The following KATNA1 variants were observed in gnomAD, a reference collection of about 807,000 sequenced individuals.
KATNA1 encodes katanin p60 ATPase-containing subunit A1.
KATNA1 carries 42 observed loss-of-function variants against 62.6 expected under a neutral mutation model. The observed-to-expected ratio is 0.67, with a 90% CI of 0.52 to 0.87. KATNA1 has a LOEUF of 0.87. KATNA1 is among the 40% of genes least tolerant of loss of function. The pLI, the probability that KATNA1 is intolerant of heterozygous loss-of-function variation, is 0.00. For synonymous variants in KATNA1, 186 were observed against 201.9 expected (o/e 0.92, Z 0.67); for missense variants, 498 against 612.5 (o/e 0.81, Z 1.97).
rs539124494 is a variant in KATNA1 at position 149,635,687 on chromosome 6, C to A, written c.162+2699G>T. Among the ~76,000 whole-genome samples the A allele has an allele frequency of 3.9e-5, 6 of 151,994 alleles. No homozygotes were observed. The East Asian group carries it at 1.2e-3, about 29-fold the overall frequency. ...CTGCGCCACTGCACTACAGCCTGGG[C>A]AACAGAGTGAGACTCCGTCTCAAAA... On this transcript the variant is annotated intron_variant, in intron 2 of 10. Coordinates refer to ENST00000367411, the MANE Select transcript of KATNA1 (RefSeq NM_007044.4).
chr6:149,596,200 TGC>T (rs1207552103), intron 10 of KATNA1, among the ~76,000 whole-genome samples: 1 of 152,190 alleles, frequency 6.6e-6, no homozygotes, highest in East Asian at 1.9e-4. Flanking sequence ...TACCAGCACC[TGC>T]TAACACCAAC....
intron 7 of KATNA1, among the ~76,000 whole-genome samples, chr6:149,598,832 C>G (rs372947298): frequency 8.5e-5 from 13 of 152,196 alleles, no homozygotes; most frequent in African/African-American, 3.1e-4. Context: ...ATTAGAACAG[C>G]TAAAATATGG....
At chr6:149,631,720 T>G (rs937033711) in intron 3 of KATNA1, among the ~76,000 whole-genome samples, 2 of 152,182 alleles carry the variant, frequency 1.3e-5, no homozygotes, top group East Asian at 3.9e-4. Flanking sequence ...ACAGTCAATA[T>G]TTAAATCTAT....
chr6:149,606,262 G>C (rs145400661), intron 4 of KATNA1, among the ~76,000 whole-genome samples: 1 of 152,126 alleles, frequency 6.6e-6, no homozygotes, highest in East Asian at 1.9e-4. Context: ...TAAATGGATA[G>C]GTATTTTTCA....
At chr6:149,625,263 A>C (rs932222251) in intron 3 of KATNA1, among the ~76,000 whole-genome samples, 1 of 152,210 alleles carries the variant, frequency 6.6e-6, no homozygotes, top group Non-Finnish European at 1.5e-5. Context: ...TTGTGATTAC[A>C]AATATCACTG....
chr6:149,599,292 C>T (rs1778444005), intron 7 of KATNA1, among the ~76,000 whole-genome samples: 1 of 151,276 alleles, frequency 6.6e-6, no homozygotes, highest in South Asian at 2.1e-4. Flanking sequence ...AAATTCTCAA[C>T]TAAAATTTTA....
intron 1 of KATNA1, among the ~76,000 whole-genome samples, chr6:149,645,184 C>T (rs567153735): frequency 1.3e-5 from 2 of 152,156 alleles, no homozygotes; most frequent in Non-Finnish European, 2.9e-5. Context: ...CAGTGGCTCA[C>T]GCCTGTAATC....
In KATNA1 at chr6:149,597,165, C is replaced by T. The variant is rs143398283; in HGVS notation, c.1175G>A (p.Arg392Gln). The change falls in exon 10 of 11, where the codon CGA (arginine) becomes CAA (glutamine). Residue 392 changes from arginine (R) to glutamine (Q), a missense_variant. By Grantham distance (43) the Arg-to-Gln change is conservative. This residue lies in a region of KATNA1 where 267 missense variants were observed against 372.6 expected (regional missense o/e 0.72). Coordinates refer to ENST00000367411, the MANE Select transcript of KATNA1 (RefSeq NM_007044.4). ...CAATTCCAACTCACGTAGACTTATTCGTAATAGCTCCTCCCTGCCTTTTGC... is the reference window on the plus strand; with the variant it reads ...CAATTCCAACTCACGTAGACTTATTTGTAATAGCTCCTCCCTGCCTTTTGC... Reference protein sequence around the residue: ...PSAKGREELLRISLRELELAD... With the variant: ...PSAKGREELLQISLRELELAD... 1.5e-5 allele frequency: 24 copies of T among 1,613,670 alleles called. No homozygotes were observed. The highest frequency in any genetic ancestry group is 1.6e-4 in the Middle Eastern group (1 of 6,084).
At position 149,623,404 on chromosome 6, in the gene KATNA1, G is replaced by A. The variant is rs561506544; in HGVS notation, c.321-121C>T. 69 of 633,924 alleles carry A rather than the reference G, an allele frequency of 1.1e-4. No homozygotes were observed. In the African/African-American group the frequency reaches 1.1e-3, roughly 11 times the overall value. The allele number at this position is 633,924 out of a possible 1,614,324, so 39.3% of individuals were successfully genotyped here. ...AATGCAACAACTGAACACAAGACAC[G>A]ACTGAATAAACTTCAGGATGTTGAA... On this transcript the variant is annotated intron_variant, in intron 3 of 10. Coordinates refer to ENST00000367411, the MANE Select transcript of KATNA1 (RefSeq NM_007044.4).
intron 8 of KATNA1, 185 bp downstream of exon 8, chr6:149,598,039 C>T (rs1356699503): frequency 6.8e-6 from 4 of 592,324 alleles, no homozygotes; most frequent in Non-Finnish European, 1.1e-5. Flanking sequence ...TCACCACTGT[C>T]AGTGTACCAA....
intron 4 of KATNA1, among the ~76,000 whole-genome samples, chr6:149,616,397 AAC>A (rs1779168063): frequency 6.6e-6 from 1 of 152,232 alleles, no homozygotes; most frequent in Non-Finnish European, 1.5e-5. Flanking sequence ...GATGTAGAGA[AAC>A]TGTAATCCTG....
intron 2 of KATNA1, among the ~76,000 whole-genome samples, chr6:149,636,924 G>A (rs1314930239): frequency 6.6e-6 from 1 of 151,924 alleles, no homozygotes; most frequent in African/African-American, 2.4e-5. Context: ...TTACAGGCGT[G>A]AGCCACCATG....
At chr6:149,609,127 C>T (rs1778849932) in intron 4 of KATNA1, among the ~76,000 whole-genome samples, 1 of 152,126 alleles carries the variant, frequency 6.6e-6, no homozygotes. Flanking sequence ...CTTTTACATG[C>T]TTCAATAATT....
intron 4 of KATNA1, among the ~76,000 whole-genome samples, chr6:149,618,423 A>C (rs956192625): frequency 1.3e-5 from 2 of 152,060 alleles, no homozygotes; most frequent in Non-Finnish European, 2.9e-5. Context: ...GGTTGCAGTG[A>C]GCCGAGATCC....
At chr6:149,631,663 G>T (rs1439697799) in intron 3 of KATNA1, 1 of 152,094 alleles carries the variant, frequency 6.6e-6, no homozygotes, top group Non-Finnish European at 1.5e-5. Context: ...AGGTTAACGG[G>T]CAATGAACCT....
intron 4 of KATNA1, among the ~76,000 whole-genome samples, chr6:149,620,978 A>T (rs1779369173): frequency 6.6e-6 from 1 of 152,164 alleles, no homozygotes; most frequent in South Asian, 2.1e-4. Flanking sequence ...TGAGAAACAG[A>T]GTATTTACAT....
intron 10 of KATNA1, among the ~76,000 whole-genome samples, chr6:149,596,270 C>T (rs1169149797): frequency 6.6e-6 from 1 of 152,206 alleles, no homozygotes; most frequent in Non-Finnish European, 1.5e-5. Context: ...CATGGTGGCT[C>T]ACGCCTGTAA....
Position 149,597,198 on chromosome 6 carries a change from A to G in KATNA1, c.1151-9T>C, listed in dbSNP as rs376914687. 1 of 1,612,096 alleles carries G rather than the reference A, an allele frequency of 6.2e-7. No homozygotes were observed. Among genetic ancestry groups the G allele is most frequent in the African/African-American group, 1.3e-5 (1 of 74,786 alleles). ...CTCCTCCCTGCCTTTTGCTAATGGT[A>G]GAAACAAATTTTAAAATGTAAGCCT... On this transcript the variant is annotated splice_polypyrimidine_tract_variant and intron_variant, in intron 9 of 10. Transcript: ENST00000367411.
chr6:149,595,248 TAAAAAC>T lies in KATNA1; in HGVS notation c.1278-20_1278-15del. 6.2e-7 allele frequency: 1 copy of T among 1,604,452 alleles called. No individual in the cohort carries two copies. ...AAGGACGCATCCCTAGGTTTTAAGTTAAAAACAACAACAACACACACAATGTTACTT... is the reference window on the plus strand; with the variant it reads ...AAGGACGCATCCCTAGGTTTTAAGTTAACAACAACACACACAATGTTACTT... On this transcript the variant is annotated splice_polypyrimidine_tract_variant and intron_variant, in intron 10 of 10. Transcript: ENST00000367411.
Sources: gnomAD v4.1 joint callset for allele counts (sites outside exome capture counted in the v4.1 genomes callset) on GRCh38, gnomAD v4.1.1 for gene constraint, gnomAD v4.1.1 regional missense constraint, MANE v1.5 for transcripts, NCBI Gene and HGNC (gene_info 2026-07-23, HGNC 2026-07-21) for gene names.